CSMD1: variants seen among roughly 807,000 people sequenced by gnomAD.
CSMD1 encodes the protein CUB and Sushi multiple domains 1.
In CSMD1, 213 loss-of-function variants were observed where a neutral mutation model predicts 417.5. The ratio of observed to expected loss-of-function variants is 0.51; its 90% CI spans 0.46 to 0.57. The LOEUF is 0.57. Among genes scored for constraint, CSMD1 ranks in the 20% least tolerant of loss-of-function variants. The pLI, the probability that CSMD1 is intolerant of heterozygous loss-of-function variation, is 0.00. For synonymous variants in CSMD1, 2,862 were observed against 1,736.8 expected (o/e 1.65, Z -16.11); for missense variants, 6,923 against 4,529.7 (o/e 1.53, Z -15.17).
At chr8:3,845,943 T>C (rs2129096845) in intron 5 of CSMD1, among the ~76,000 whole-genome samples, 1 of 152,250 alleles carries the variant, frequency 6.6e-6, no homozygotes, top group East Asian at 1.9e-4. Context: ...CTTCACATCC[T>C]GTCCCACTGC....
chr8:4,958,535 T>C (rs937353963), intron 1 of CSMD1, among the ~76,000 whole-genome samples: 1 of 152,186 alleles, frequency 6.6e-6, no homozygotes, highest in Non-Finnish European at 1.5e-5. Flanking sequence ...ATTCCCACAG[T>C]TAATTTATAA....
Position 3,051,739 on chromosome 8 carries a change from G to C in CSMD1, c.7660+723C>G, listed in dbSNP as rs76826224. On this transcript the variant is annotated intron_variant, in intron 50 of 69. Coordinates refer to ENST00000635120, the MANE Select transcript of CSMD1 (RefSeq NM_033225.6). ...TATAGTTTTTAACTTAGAAAAATTG[G>C]GAAGTTACATTATTTCCAATTTGAG... Among the ~76,000 whole-genome samples, 390 of 152,144 alleles carry C rather than the reference G, an allele frequency of 2.6e-3. 1 individual carries two copies. Among genetic ancestry groups the C allele is most frequent in the African/African-American group, 8.9e-3 (371 of 41,494 alleles).
chr8:3,684,596 CT>C (rs141663569), intron 7 of CSMD1, among the ~76,000 whole-genome samples: 6,528 of 127,876 alleles, frequency 0.051, 302 homozygotes, highest in African/African-American at 0.14. Context: ...CTGATACAGT[CT>C]TTTTTTTTTT....
At chr8:3,533,736 G>T (rs1219054678) in intron 10 of CSMD1, among the ~76,000 whole-genome samples, 1 of 152,090 alleles carries the variant, frequency 6.6e-6, no homozygotes, top group Non-Finnish European at 1.5e-5. Flanking sequence ...TCAGTACTAA[G>T]CTCCAAGGTG....
chr8:3,880,434 G>A (rs145208702), intron 5 of CSMD1, among the ~76,000 whole-genome samples: 1 of 152,164 alleles, frequency 6.6e-6, no homozygotes, highest in Admixed American at 6.5e-5. Context: ...GGATTTGAGT[G>A]ATATTTATGT....
At chr8:4,559,844 T>C (rs1287415869) in intron 2 of CSMD1, among the ~76,000 whole-genome samples, 2 of 152,230 alleles carry the variant, frequency 1.3e-5, no homozygotes, top group African/African-American at 2.4e-5. Flanking sequence ...CATCTTACCT[T>C]TCTCCACTTC....
At chr8:4,904,391 T>C (rs138640032) in intron 1 of CSMD1, among the ~76,000 whole-genome samples, 40 of 152,304 alleles carry the variant, frequency 2.6e-4, no homozygotes, top group Non-Finnish European at 8.8e-5. Context: ...TCTTTCACAG[T>C]AGTCAGGCAA....
chr8:2,992,791 G>T (rs1806511669), intron 54 of CSMD1, among the ~76,000 whole-genome samples: 1 of 152,050 alleles, frequency 6.6e-6, no homozygotes. Context: ...TGCCCAGGCT[G>T]GAAGTGCCGT....
rs555440351 is a variant in CSMD1 at position 2,954,403 on chromosome 8, T to C, written c.9995-135A>G. On this transcript the variant is annotated intron_variant, in intron 64 of 69. Coordinates refer to ENST00000635120, the MANE Select transcript of CSMD1 (RefSeq NM_033225.6). ...ACAAAATATGAATACCTTATACATA[T>C]ACATTTTAAACTCATGTCTTTACAG... 285 of 545,744 alleles carry C rather than the reference T, an allele frequency of 5.2e-4. 1 individual carries two copies. In the South Asian group the frequency reaches 6.2e-3, roughly 12 times the overall value. The allele number at this position is 545,744 out of a possible 1,614,324, so 33.8% of individuals were successfully genotyped here.
At chr8:4,348,641 G>C (rs1383301363) in intron 3 of CSMD1, among the ~76,000 whole-genome samples, 1 of 137,810 alleles carries the variant, frequency 7.3e-6, no homozygotes, top group African/African-American at 2.7e-5. Flanking sequence ...GAGGGGGAGA[G>C]GGAGGGGGAG....
chr8:3,329,186 A>G (rs4875615), intron 23 of CSMD1, among the ~76,000 whole-genome samples: 7,315 of 152,228 alleles, frequency 0.048, 407 homozygotes, highest in East Asian at 0.25. Context: ...GCATTGAAAA[A>G]TGACCTTGTT....
chr8:4,063,643 G>T (rs1406589245), intron 3 of CSMD1, among the ~76,000 whole-genome samples: 1 of 152,184 alleles, frequency 6.6e-6, no homozygotes, highest in Non-Finnish European at 1.5e-5. Context: ...GGACACATCA[G>T]GTGCTGCCTC....
At chr8:3,349,180 G>A (rs1808223923) in intron 21 of CSMD1, among the ~76,000 whole-genome samples, 1 of 152,204 alleles carries the variant, frequency 6.6e-6, no homozygotes, top group South Asian at 2.1e-4. Context: ...GAGAGCAGGA[G>A]AGAAGGATGC....
chr8:3,098,104 T>C (rs780916149), intron 46 of CSMD1, among the ~76,000 whole-genome samples: 11 of 152,192 alleles, frequency 7.2e-5, no homozygotes, highest in Non-Finnish European at 1.2e-4. Flanking sequence ...CCAGAAACAG[T>C]TTGTGTATAA....
chr8:4,228,999 T>G (rs1563306458), intron 3 of CSMD1, among the ~76,000 whole-genome samples: 1 of 152,122 alleles, frequency 6.6e-6, no homozygotes, highest in Non-Finnish European at 1.5e-5. Flanking sequence ...GAACCTGGAC[T>G]TTTCCATGAA....
chr8:4,949,177 G>T (rs867002397), intron 1 of CSMD1, among the ~76,000 whole-genome samples: 1 of 152,026 alleles, frequency 6.6e-6, no homozygotes, highest in African/African-American at 2.4e-5. Flanking sequence ...AGTTTATCAT[G>T]TTATAATATT....
At chr8:3,112,211 G>C (rs1816562517) in intron 42 of CSMD1, among the ~76,000 whole-genome samples, 1 of 152,118 alleles carries the variant, frequency 6.6e-6, no homozygotes, top group African/African-American at 2.4e-5. Context: ...GTGAATTAGA[G>C]AATAACCAGA....
At chr8:3,488,338 C>T (rs550095180) in intron 11 of CSMD1, among the ~76,000 whole-genome samples, 2 of 152,024 alleles carry the variant, frequency 1.3e-5, no homozygotes, top group Non-Finnish European at 2.9e-5. Flanking sequence ...AAACTTTTGG[C>T]CTCAAGTATT....
At chr8:3,043,896 C>T (rs536110097) in intron 50 of CSMD1, 2 of 152,296 alleles carry the variant, frequency 1.3e-5, no homozygotes, top group Non-Finnish European at 2.9e-5. Flanking sequence ...ATAGAGCTGT[C>T]ATCTTGACAG....
Sources: gnomAD v4.1 joint callset for allele counts (sites outside exome capture counted in the v4.1 genomes callset) on GRCh38, gnomAD v4.1.1 for gene constraint, MANE v1.5 for transcripts, NCBI Gene and HGNC (gene_info 2026-07-23, HGNC 2026-07-21) for gene names.